ABCB10: variants seen among roughly 807,000 people sequenced by gnomAD.
ABCB10 encodes ATP binding cassette subfamily B member 10.
In ABCB10, 54 loss-of-function variants were observed where a neutral mutation model predicts 65.4. That is an observed-to-expected ratio of 0.83 (90% CI 0.66 to 1.04). ABCB10 has a LOEUF of 1.04. Among genes scored for constraint, ABCB10 ranks in the 50% least tolerant of loss-of-function variants. ABCB10 has a pLI of 0.00. For synonymous variants in ABCB10, 418 were observed against 406.5 expected, an observed-to-expected ratio of 1.03 and a Z score of -0.34; for missense variants, 846 against 976.6, an observed-to-expected ratio of 0.87 and a Z score of 1.78.
At chr1:229,540,391 C>A (rs758488353) in intron 5 of ABCB10, among the ~76,000 whole-genome samples, 2 of 152,172 alleles carry the variant, frequency 1.3e-5, no homozygotes, top group Non-Finnish European at 2.9e-5. Context: ...AGAATCAGTG[C>A]CCGATCACAC....
rs116996848 is a variant in ABCB10, at chr1:229,545,705, T to C, written c.921+1794A>G. ...CATCCGAATTAAGATGTTCCTTAAG[T>C]AGAGAATACACACCAGATTTGGAAA... On this transcript the variant is annotated intron_variant, in intron 3 of 12. Transcript: ENST00000344517. Among the ~76,000 whole-genome samples the C allele has an allele frequency of 4.3e-4, 66 of 152,332 alleles. No individual in the cohort carries two copies. The East Asian group carries it at 0.01, about 24-fold the overall frequency.
At chr1:229,520,617 T>C (rs573097843) in intron 11 of ABCB10, among the ~76,000 whole-genome samples, 1 of 151,978 alleles carries the variant, frequency 6.6e-6, no homozygotes, top group African/African-American at 2.4e-5. Flanking sequence ...CTATTCTTTA[T>C]ATATTATTCA....
Position 229,539,580 on chromosome 1 carries a change from G to C in ABCB10, c.1215C>G (p.Ser405=). 6.2e-7 allele frequency: 1 copy of C among 1,613,450 alleles called. No homozygotes were observed. The highest frequency in any genetic ancestry group is 8.5e-7 in the Non-Finnish European group (1 of 1,179,884). ...RAGFFGATGL[S]GNLIVLSVLY... ...GGACAGAAAGCACGATCAGGTTTCC[G>C]GAGAGCCCAGTCTGTCGAATGAAGA... The change falls in exon 6 of 13, where the codon TCC becomes TCG. Residue 405 remains serine, a synonymous_variant. Transcript: ENST00000344517.
At chr1:229,551,018 G>C (rs1663101023) in intron 1 of ABCB10, among the ~76,000 whole-genome samples, 1 of 152,138 alleles carries the variant, frequency 6.6e-6, no homozygotes, top group South Asian at 2.1e-4. Context: ...GCCTCAAGCA[G>C]TCCTCCCATC....
At chr1:229,520,459 G>C (rs917681348) in intron 11 of ABCB10, among the ~76,000 whole-genome samples, 1 of 147,948 alleles carries the variant, frequency 6.8e-6, no homozygotes, top group Non-Finnish European at 1.5e-5. Context: ...GATACAGCGA[G>C]ACTCTGTCTC....
chr1:229,523,282 TA>T (rs1271141150), intron 10 of ABCB10, among the ~76,000 whole-genome samples: 2 of 152,214 alleles, frequency 1.3e-5, no homozygotes, highest in African/African-American at 4.8e-5. Context: ...ACGCTACTCC[TA>T]AGTCATACTT....
chr1:229,548,188 T>C (rs2102706411), intron 2 of ABCB10, among the ~76,000 whole-genome samples: 1 of 152,062 alleles, frequency 6.6e-6, no homozygotes, highest in South Asian at 2.1e-4. Context: ...ATTTTTTATA[T>C]AGACGGAGTC....
rs1663322911 is a variant in ABCB10 at position 229,558,531 on chromosome 1, G to A, written c.122C>T (p.Ser41Leu). 7.0e-7 allele frequency: 1 copy of A among 1,434,452 alleles called. No homozygotes were observed. Among genetic ancestry groups the A allele is most frequent in the Non-Finnish European group, 9.1e-7 (1 of 1,094,114 alleles). 88.9% of individuals were successfully genotyped at this position (1,434,452 alleles called of 1,614,324 possible). Reference sequence around the variant, plus strand: ...CGCCGGCCTCAGGCCAGTGAACGGCGATAGGGACCCGGGAACGCGGCTGGC... The same window carrying A: ...CGCCGGCCTCAGGCCAGTGAACGGCAATAGGGACCCGGGAACGCGGCTGGC... ...AAASRVPGSL[S>L]PFTGLRPARL... is the part of the protein sequence containing the mutation. Residue 41 changes from serine (S) to leucine (L), a missense_variant, in exon 1 of 13, where the codon TCG becomes TTG. By Grantham distance (145) the Ser-to-Leu change is moderately radical (BLOSUM62 -2). Around this residue, in one of 2 missense-constraint regions of ABCB10, gnomAD observed 214 missense variants for 173.5 expected, o/e 1.23. Coordinates refer to ENST00000344517, the MANE Select transcript of ABCB10 (RefSeq NM_012089.3).
At chr1:229,533,901 G>A (rs1662644242) in intron 6 of ABCB10, among the ~76,000 whole-genome samples, 1 of 152,050 alleles carries the variant, frequency 6.6e-6, no homozygotes, top group Admixed American at 6.6e-5. Flanking sequence ...CAATACCAAA[G>A]GTACAATCCA....
At chr1:229,519,096 G>C (rs181366062) in intron 11 of ABCB10, 1 of 404,528 alleles carries the variant, frequency 2.5e-6, no homozygotes, top group African/African-American at 2.1e-5. Context: ...TGGATATCTG[G>C]GGCTGGGTTC....
chr1:229,522,119 A>G (rs1175364547), intron 10 of ABCB10, among the ~76,000 whole-genome samples: 5 of 152,148 alleles, frequency 3.3e-5, no homozygotes, highest in African/African-American at 9.7e-5. Flanking sequence ...TCAGCCTCCC[A>G]AAGTGCTGGG....
chr1:229,540,283 CCCCAGTTTCCTA>C (rs1194100791), intron 5 of ABCB10, among the ~76,000 whole-genome samples: 1 of 152,126 alleles, frequency 6.6e-6, no homozygotes, highest in Admixed American at 6.6e-5. Context: ...AGATTGCTGG[CCCCAGTTTCCTA>C]CCCAGCAGAC....
At chr1:229,548,342 T>C (rs1663018831) in intron 2 of ABCB10, among the ~76,000 whole-genome samples, 1 of 152,158 alleles carries the variant, frequency 6.6e-6, no homozygotes, top group South Asian at 2.1e-4. Context: ...GAAGTTTTAT[T>C]ACATTAACTT....
intron 3 of ABCB10, among the ~76,000 whole-genome samples, chr1:229,546,026 G>A (rs1262957878): frequency 6.6e-6 from 1 of 152,108 alleles, no homozygotes; most frequent in East Asian, 1.9e-4. Flanking sequence ...AAAAAAATTA[G>A]CGAGGCGTGG....
chr1:229,533,681 A>C (rs1302294622), intron 6 of ABCB10, among the ~76,000 whole-genome samples: 1 of 152,250 alleles, frequency 6.6e-6, no homozygotes. Context: ...ATGCAACGGC[A>C]ATATACATAT....
chr1:229,552,161 G>T (rs1422826375), intron 1 of ABCB10, among the ~76,000 whole-genome samples: 3 of 152,178 alleles, frequency 2.0e-5, no homozygotes, highest in Middle Eastern at 3.4e-3. Context: ...TTGTTTTATT[G>T]TCATTTGCTT....
chr1:229,557,808 C>A (rs1663294436), intron 1 of ABCB10, among the ~76,000 whole-genome samples: 1 of 152,082 alleles, frequency 6.6e-6, no homozygotes, highest in Non-Finnish European at 1.5e-5. Context: ...GGAAAAACCT[C>A]CAGCTCATTT....
chr1:229,521,497 GA>G, intron 11 of ABCB10, 94 bp downstream of exon 11: 3 of 1,414,380 alleles, frequency 2.1e-6, no homozygotes, highest in South Asian at 1.3e-5. Context: ...CAAAAAACAG[GA>G]AAAGGAAGAA....
intron 5 of ABCB10, 48 bp downstream of exon 5, chr1:229,540,558 C>A: frequency 8.4e-6 from 13 of 1,547,986 alleles, no homozygotes; most frequent in Non-Finnish European, 1.1e-5. Flanking sequence ...AAAACTCTCA[C>A]CATTCTAACA....
Sources: allele counts gnomAD v4.1 joint callset (sites outside exome capture counted in the v4.1 genomes callset), GRCh38; gene constraint gnomAD v4.1.1; regional missense constraint gnomAD v4.1.1; transcripts MANE v1.5; gene names NCBI Gene and HGNC (gene_info 2026-07-23, HGNC 2026-07-21).